PEAK1: variants seen among roughly 807,000 people sequenced by gnomAD.
PEAK1 encodes the protein inactive tyrosine-protein kinase PEAK1.
In PEAK1, 54 loss-of-function variants were observed where a neutral mutation model predicts 124.7. The ratio of observed to expected loss-of-function variants is 0.43; its 90% CI spans 0.35 to 0.54. The LOEUF (loss-of-function observed/expected upper bound fraction) is 0.54. Ranked by LOEUF, PEAK1 falls within the 20% of genes least tolerant of loss-of-function variation. PEAK1 has a pLI of 0.01. For missense variants in PEAK1, 2,046 were observed against 2,134.5 expected, an observed-to-expected ratio of 0.96 and a Z score of 0.82; for synonymous variants, 719 against 760.0, an observed-to-expected ratio of 0.95 and a Z score of 0.89.
chr15:77,295,272 A>G (rs1316876088), intron 2 of PEAK1, among the ~76,000 whole-genome samples: 1 of 151,822 alleles, frequency 6.6e-6, no homozygotes, highest in Non-Finnish European at 1.5e-5. Context: ...GTCTTCATTT[A>G]TAAGAGTGTT....
At chr15:77,354,865 C>T (rs938840058) in intron 2 of PEAK1, among the ~76,000 whole-genome samples, 18 of 152,048 alleles carry the variant, frequency 1.2e-4, no homozygotes, top group African/African-American at 4.3e-4. Context: ...CGGTGAAACC[C>T]TGTCTCTACT....
chr15:77,194,761 G>A (rs920257807), intron 6 of PEAK1, among the ~76,000 whole-genome samples: 34 of 152,204 alleles, frequency 2.2e-4, no homozygotes, highest in Admixed American at 2.1e-3. Flanking sequence ...GAAGGAGACA[G>A]CAGCATTCAG....
chr15:77,348,220 C>A (rs960032160), intron 2 of PEAK1: 655 of 974,272 alleles, frequency 6.7e-4, no homozygotes, highest in Non-Finnish European at 7.9e-4. Context: ...GGATCAGAGA[C>A]CCACCTGTAC....
intron 8 of PEAK1, among the ~76,000 whole-genome samples, chr15:77,134,913 A>G (rs947387436): frequency 6.6e-6 from 1 of 152,196 alleles, no homozygotes; most frequent in Non-Finnish European, 1.5e-5. Context: ...TGATGTCCTT[A>G]TAAGAAGAAA....
intron 8 of PEAK1, among the ~76,000 whole-genome samples, chr15:77,150,216 C>T (rs764050463): frequency 3.9e-5 from 6 of 152,018 alleles, no homozygotes; most frequent in Non-Finnish European, 7.4e-5. Flanking sequence ...AAAAGGAAAA[C>T]AGTAGGAGCC....
At chr15:77,247,485 C>CTTTTTTTTTTTTTTTTTTTTTTT (rs398028029) in intron 6 of PEAK1, among the ~76,000 whole-genome samples, 3 of 84,298 alleles carry the variant, frequency 3.6e-5, no homozygotes, top group East Asian at 3.8e-4. Context: ...CTTTTCTTTT[C>CTTTTTTTTTTTTTTTTTTTTTTT]TTTTTTTTTT....
At chr15:77,175,848 C>G (rs1015200228) in intron 7 of PEAK1, among the ~76,000 whole-genome samples, 11 of 152,230 alleles carry the variant, frequency 7.2e-5, no homozygotes, top group Non-Finnish European at 1.6e-4. Context: ...GACTTGGAAC[C>G]AACCCAAATG....
chr15:77,390,263 G>A (rs943812120), intron 1 of PEAK1, among the ~76,000 whole-genome samples: 4 of 152,188 alleles, frequency 2.6e-5, no homozygotes, highest in African/African-American at 9.7e-5. Flanking sequence ...AACTGTATAA[G>A]TAAGAGCAGG....
rs2061299466 is a variant in PEAK1, at chr15:77,258,852, G to C, written c.-274-6326C>G. The stretch of plus-strand genomic sequence containing the variant: ...GTTTTTGCCCATTCAGTATGATGTT[G>C]GCTGTGGGTTTGTCATAGATAGCTC... On this transcript the variant is annotated intron_variant, in intron 5 of 9. Transcript: ENST00000682557. Among the ~76,000 whole-genome samples, 2 of 152,160 alleles carry C rather than the reference G, an allele frequency of 1.3e-5. 1 individual carries two copies. Among genetic ancestry groups the C allele is most frequent in the South Asian group, 4.1e-4 (2 of 4,824 alleles).
intron 6 of PEAK1, among the ~76,000 whole-genome samples, chr15:77,185,545 G>A (rs781739724): frequency 3.2e-4 from 49 of 152,212 alleles, no homozygotes; most frequent in Non-Finnish European, 6.2e-4. Context: ...TTACATACAT[G>A]CCCATTGGAC....
At chr15:77,383,957 A>C (rs1385653520) in intron 1 of PEAK1, among the ~76,000 whole-genome samples, 1 of 152,238 alleles carries the variant, frequency 6.6e-6, no homozygotes, top group Non-Finnish European at 1.5e-5. Context: ...ACACTGTAAA[A>C]TATAGATTGC....
chr15:77,205,293 A>C (rs1224400320), intron 6 of PEAK1, among the ~76,000 whole-genome samples: 3 of 151,120 alleles, frequency 2.0e-5, no homozygotes, highest in African/African-American at 7.3e-5. Flanking sequence ...AAAAAAAAGA[A>C]GTTAAATAAT....
At chr15:77,211,125 C>T (rs989030369) in intron 6 of PEAK1, among the ~76,000 whole-genome samples, 32 of 152,142 alleles carry the variant, frequency 2.1e-4, no homozygotes, top group South Asian at 2.1e-4. Flanking sequence ...ACTGCCTATA[C>T]CTGCTTTTGT....
intron 1 of PEAK1, chr15:77,402,701 T>C (rs2071477215): frequency 4.1e-6 from 4 of 985,224 alleles, no homozygotes; most frequent in Admixed American, 6.1e-5. Flanking sequence ...ACACTGATAA[T>C]ATTCAACTGC....
At chr15:77,391,527 G>T (rs2070459321) in intron 1 of PEAK1, among the ~76,000 whole-genome samples, 1 of 141,162 alleles carries the variant, frequency 7.1e-6, no homozygotes, top group Non-Finnish European at 1.5e-5. Context: ...GAAACACCAG[G>T]CCAGACTACT....
At chr15:77,339,783 A>G (rs1406348263) in intron 2 of PEAK1, among the ~76,000 whole-genome samples, 1 of 152,256 alleles carries the variant, frequency 6.6e-6, no homozygotes, top group Non-Finnish European at 1.5e-5. Flanking sequence ...AAATATACAT[A>G]GAACTCAAAC....
At chr15:77,368,413 G>T (rs1050961228) in intron 1 of PEAK1, among the ~76,000 whole-genome samples, 4 of 152,048 alleles carry the variant, frequency 2.6e-5, no homozygotes, top group East Asian at 1.9e-4. Flanking sequence ...AGCTACTAGG[G>T]AGGCTGAGGC....
intron 2 of PEAK1, among the ~76,000 whole-genome samples, chr15:77,307,482 A>T (rs1042948949): frequency 2.0e-5 from 3 of 152,120 alleles, no homozygotes; most frequent in African/African-American, 4.8e-5. Context: ...GGTTAATAAA[A>T]TTTTAGAATC....
chr15:77,194,383 T>C (rs907523537), intron 6 of PEAK1, among the ~76,000 whole-genome samples: 1 of 152,164 alleles, frequency 6.6e-6, no homozygotes, highest in Non-Finnish European at 1.5e-5. Flanking sequence ...ATATAATACA[T>C]TTAAACTCCT....
Sources: gnomAD v4.1 joint callset for allele counts (sites outside exome capture counted in the v4.1 genomes callset) on GRCh38, gnomAD v4.1.1 for gene constraint, MANE v1.5 for transcripts, NCBI Gene and HGNC (gene_info 2026-07-23, HGNC 2026-07-21) for gene names.